The following BEX4 variants were observed in gnomAD, a reference collection of about 807,000 sequenced individuals.
The protein encoded by BEX4 is protein BEX4.
For synonymous variants in BEX4, 37 were observed against 33.5 expected (o/e 1.11, Z -0.36); for missense variants, 110 against 96.5 (o/e 1.14, Z -0.59).
Position 103,215,672 on chromosome X carries a change from AC to A in BEX4, c.-88-6del. The stretch of plus-strand genomic sequence containing the variant: ...TGCTGCAGCAGCCCCCACTTCCCCC[AC>A]CCCGGCAGTCTGCAGGTCTGCGGGG... On this transcript the variant is annotated splice_polypyrimidine_tract_variant and intron_variant, in intron 1 of 2. Transcript: ENST00000372695. 1.1e-6 allele frequency: 1 copy of A among 873,065 alleles called. No homozygotes were observed. The highest frequency in any genetic ancestry group is 3.1e-5 in the South Asian group (1 of 31,752). 72.0% of individuals were successfully genotyped at this position (873,065 alleles called of 1,213,427 possible). A position where few individuals can be genotyped will look rare whatever the true frequency, so the allele number is the denominator to read the frequency against.
chrX:103,215,616 G>T, intron 1 of BEX4, 66 bp from the exon 2 acceptor site: 1 of 755,626 alleles, frequency 1.3e-6, no homozygotes, highest in Non-Finnish European at 1.6e-6. Context: ...CGGGGGAGGG[G>T]CCGGATGGCG....
Position 103,215,205 on chromosome X carries a change from G to A in BEX4, c.-122G>A. Reference sequence around the variant, plus strand: ...GGCCCTGAGGACGTGTGGGCCAGGGGCGGCCCCGAAATTAGGAAGCGGAGG... The same window carrying A: ...GGCCCTGAGGACGTGTGGGCCAGGGACGGCCCCGAAATTAGGAAGCGGAGG... On this transcript the variant is annotated 5_prime_UTR_variant, in exon 1 of 3. Transcript: ENST00000372695. 1.3e-6 allele frequency: 1 copy of A among 755,467 alleles called. No homozygotes were observed. The highest frequency in any genetic ancestry group is 1.6e-6 in the Non-Finnish European group (1 of 640,172). 62.3% of individuals were successfully genotyped at this position (755,467 alleles called of 1,213,427 possible).
In BEX4 at chrX:103,216,760, T is replaced by G; in HGVS notation, c.*244T>G. 1 of 229,358 alleles carries G rather than the reference T, an allele frequency of 4.4e-6. No individual in the cohort carries two copies. The allele number at this position is 229,358 out of a possible 1,213,427, so 18.9% of individuals were successfully genotyped here. ...ATAAAGCAGTTCAAAAAGCAGTCTG[T>G]ATTCCATCATCTTCCTTTTTCATTC... On this transcript the variant is annotated 3_prime_UTR_variant, in exon 3 of 3. Transcript: ENST00000372695.
In BEX4 at chrX:103,216,428, G is replaced by C; in HGVS notation, c.275G>C (p.Arg92Thr). 8.3e-7 allele frequency: 1 copy of C among 1,211,782 alleles called. No homozygotes were observed. The highest frequency in any genetic ancestry group is 1.1e-6 in the Non-Finnish European group (1 of 895,447). The change falls in exon 3 of 3, where the codon AGA becomes ACA. Residue 92 changes from arginine (R) to threonine (T), a missense_variant. Coordinates refer to ENST00000372695, the MANE Select transcript of BEX4 (RefSeq NM_001080425.4). ...RFVGQMMEIK[R>T]KTREQQMRHY... ...GTAGGGCAGATGATGGAAATCAAGA[G>C]AAAGACTAGGGAACAGCAGATGAGG...
At chrX:103,215,572 G>C (rs1924555862) in intron 1 of BEX4, 110 bp from the exon 2 acceptor site, 7 of 544,421 alleles carry the variant, frequency 1.3e-5, no homozygotes, top group Non-Finnish European at 1.6e-5. Context: ...AGGAGGGCCA[G>C]GGCCAGGGCC....
rs1924590786 is a variant in BEX4, at chrX:103,216,448, A to G, written c.295A>G (p.Met99Val). 8.3e-7 allele frequency: 1 copy of G among 1,211,545 alleles called. No individual in the cohort carries two copies. The highest frequency in any genetic ancestry group is 3.0e-5 in the East Asian group (1 of 33,848). The change falls in exon 3 of 3, where the codon ATG becomes GTG. Residue 99 changes from methionine (M) to valine (V), a missense_variant. Transcript: ENST00000372695. ...EIKRKTREQQ[M>V]RHYMRFQTPE... ...CAAGAGAAAGACTAGGGAACAGCAGATGAGGCACTATATGCGCTTCCAAAC... is the reference window on the plus strand; with the variant it reads ...CAAGAGAAAGACTAGGGAACAGCAGGTGAGGCACTATATGCGCTTCCAAAC...
chrX:103,215,313 G>T, intron 1 of BEX4, 75 bp downstream of exon 1: 1 of 659,168 alleles, frequency 1.5e-6, no homozygotes, highest in Non-Finnish European at 1.8e-6. Context: ...CACCCCGGGG[G>T]AGCCGTGCGG....
At chrX:103,215,647 T>G in intron 1 of BEX4, 35 bp from the exon 2 acceptor site, 1 of 851,139 alleles carries the variant, frequency 1.2e-6, no homozygotes, top group Non-Finnish European at 1.4e-6. Context: ...GCTAGCGTTC[T>G]GCTGCAGCAG....
In BEX4 at chrX:103,215,764, G is replaced by A; in HGVS notation, c.-6G>A. On this transcript the variant is annotated splice_region_variant and 5_prime_UTR_variant, in exon 2 of 3. Transcript: ENST00000372695. ...GGAGGAGACTGCAAGGATAGGCCCA[G>A]GTCGGTGCGAGGGTCGGTGGTGAGG... The A allele has an allele frequency of 2.2e-6, 2 of 916,494 alleles. No homozygotes were observed. Among genetic ancestry groups the A allele is most frequent in the Non-Finnish European group, 2.7e-6 (2 of 734,670 alleles). The allele number at this position is 916,494 out of a possible 1,213,427, so 75.5% of individuals were successfully genotyped here.
rs1924540601 is a variant in BEX4 at position 103,215,207 on chromosome X, G to A, written c.-120G>A. 5.3e-6 allele frequency: 4 copies of A among 753,498 alleles called. No individual in the cohort carries two copies. The highest frequency in any genetic ancestry group is 1.7e-4 in the Admixed American group (2 of 11,551). 62.1% of individuals were successfully genotyped at this position (753,498 alleles called of 1,213,427 possible). The stretch of plus-strand genomic sequence containing the variant: ...CCCTGAGGACGTGTGGGCCAGGGGC[G>A]GCCCCGAAATTAGGAAGCGGAGGGG... On this transcript the variant is annotated 5_prime_UTR_variant, in exon 1 of 3. Coordinates refer to ENST00000372695, the MANE Select transcript of BEX4 (RefSeq NM_001080425.4).
chrX:103,215,596 C>T, intron 1 of BEX4, 86 bp from the exon 2 acceptor site: 2 of 514,753 alleles, frequency 3.9e-6, no homozygotes, highest in African/African-American at 7.7e-5. Context: ...GCCAGGGCCT[C>T]GGGGCGGGGC....
At position 103,216,803 on chromosome X, in the gene BEX4, A is replaced by G. The variant is rs1924601062; in HGVS notation, c.*287A>G. 1.2e-5 allele frequency: 2 copies of G among 170,651 alleles called. No individual in the cohort carries two copies. Among genetic ancestry groups the G allele is most frequent in the East Asian group, 2.8e-4 (2 of 7,243 alleles). 14.1% of individuals were successfully genotyped at this position (170,651 alleles called of 1,213,427 possible). ...TTTCATTCCAGTCCTTATTTTTGTA[A>G]GTATTACTTTTCCTCCTCCGGCTAC... On this transcript the variant is annotated 3_prime_UTR_variant, in exon 3 of 3. Transcript: ENST00000372695.
chrX:103,216,346 G>T lies in BEX4; in HGVS notation c.193G>T (p.Ala65Ser). Residue 65 changes from alanine (A) to serine (S), a missense_variant, in exon 3 of 3, where the codon GCC becomes TCC. By Grantham distance (99) the Ala-to-Ser change is moderately conservative. Transcript: ENST00000372695. ...VRRLVPNFRW[A>S]IPNRHIEHNE... is the part of the protein sequence containing the mutation. ...GCGACTTGTCCCTAATTTTCGATGG[G>T]CCATACCTAATAGGCATATTGAGCA... 8.3e-7 allele frequency: 1 copy of T among 1,211,652 alleles called. No individual in the cohort carries two copies.
chrX:103,215,747 C>T lies in BEX4; in HGVS notation c.-23C>T, dbSNP rs1924563818. ...CGCGTCAAGAATCCGGAGGAGGAGA[C>T]TGCAAGGATAGGCCCAGGTCGGTGC... On this transcript the variant is annotated 5_prime_UTR_variant, in exon 2 of 3. Transcript: ENST00000372695. The T allele has an allele frequency of 4.3e-6, 4 of 930,308 alleles. No homozygotes were observed. The highest frequency in any genetic ancestry group is 5.4e-6 in the Non-Finnish European group (4 of 740,084). The allele number at this position is 930,308 out of a possible 1,213,427, so 76.7% of individuals were successfully genotyped here.
rs1924564588 is a variant in BEX4 at position 103,215,772 on chromosome X, C to T, written c.-6+8C>T. The T allele has an allele frequency of 1.1e-6, 1 of 896,754 alleles. No individual in the cohort carries two copies. Among genetic ancestry groups the T allele is most frequent in the Non-Finnish European group, 1.4e-6 (1 of 724,612 alleles). The allele number at this position is 896,754 out of a possible 1,213,427, so 73.9% of individuals were successfully genotyped here. ...CTGCAAGGATAGGCCCAGGTCGGTG[C>T]GAGGGTCGGTGGTGAGGCGGGGGCC... On this transcript the variant is annotated splice_region_variant and intron_variant, in intron 2 of 2. Coordinates refer to ENST00000372695, the MANE Select transcript of BEX4 (RefSeq NM_001080425.4).
chrX:103,215,155 C>A lies in BEX4; in HGVS notation c.-172C>A, dbSNP rs1924538693. 1 of 754,681 alleles carries A rather than the reference C, an allele frequency of 1.3e-6. No individual in the cohort carries two copies. The highest frequency in any genetic ancestry group is 1.6e-6 in the Non-Finnish European group (1 of 639,544). The allele number at this position is 754,681 out of a possible 1,213,427, so 62.2% of individuals were successfully genotyped here. A position where few individuals can be genotyped will look rare whatever the true frequency, so the allele number is the denominator to read the frequency against. Reference sequence around the variant, plus strand: ...CAGAGCCGTCGTGGCTCGTTCCATTCTCGGCGGTGGTACCTGCTCCCGGTG... The same window carrying A: ...CAGAGCCGTCGTGGCTCGTTCCATTATCGGCGGTGGTACCTGCTCCCGGTG... On this transcript the variant is annotated 5_prime_UTR_variant, in exon 1 of 3. Transcript: ENST00000372695.
rs1924564991 is a variant in BEX4, at chrX:103,215,793, G to A, written c.-6+29G>A. ...GGTGCGAGGGTCGGTGGTGAGGCGG[G>A]GGCCGGAACGTGAGGAAAGCCCAGT... is the stretch of plus-strand genomic sequence containing the variant. On this transcript the variant is annotated intron_variant, in intron 2 of 2. Transcript: ENST00000372695. 4.6e-6 allele frequency: 4 copies of A among 867,119 alleles called. No homozygotes were observed. The African/African-American group carries it at 6.6e-5, about 14-fold the overall frequency. 71.5% of individuals were successfully genotyped at this position (867,119 alleles called of 1,213,427 possible).
intron 2 of BEX4, 77 bp from the exon 3 acceptor site, chrX:103,216,071 GT>G (rs1924575603): frequency 9.6e-7 from 1 of 1,036,716 alleles, no homozygotes; most frequent in Admixed American, 3.4e-5. Flanking sequence ...ATTTTAAAAG[GT>G]GCCTAGTAGG....
Position 103,217,181 on chromosome X carries a change from C to CA in BEX4, c.*667dup, listed in dbSNP as rs1924616786. 1 of 122,699 alleles carries CA rather than the reference C, an allele frequency of 8.2e-6. No individual in the cohort carries two copies. The allele number at this position is 122,699 out of a possible 1,213,427, so 10.1% of individuals were successfully genotyped here. ...ATGTGTCATAACCGTAAACAATAAA[C>CA]AATATCAAGATAAATCTGACTTTGA... On this transcript the variant is annotated 3_prime_UTR_variant, in exon 3 of 3. Coordinates refer to ENST00000372695, the MANE Select transcript of BEX4 (RefSeq NM_001080425.4).
Sources: gnomAD v4.1 joint callset for allele counts on GRCh38, gnomAD v4.1.1 for gene constraint, MANE v1.5 for transcripts, NCBI Gene and HGNC (gene_info 2026-07-23, HGNC 2026-07-21) for gene names.